The following CEMIP variants were observed in gnomAD, a reference collection of about 807,000 sequenced individuals.
CEMIP encodes cell migration-inducing and hyaluronan-binding protein.
A neutral mutation model predicts 156.9 loss-of-function variants in CEMIP; 105 were observed. The observed-to-expected ratio is 0.67, with a 90% confidence interval of 0.57 to 0.79. The LOEUF is 0.79. CEMIP is among the 30% of genes least tolerant of loss of function. The pLI, the probability that CEMIP is intolerant of heterozygous loss-of-function variation, is 0.00. For missense variants in CEMIP, 1,457 were observed against 1,769.4 expected, an observed-to-expected ratio of 0.82 and a Z score of 3.17; for synonymous variants, 676 against 668.4, an observed-to-expected ratio of 1.01 and a Z score of -0.17.
At position 80,932,473 on chromosome 15, in the gene CEMIP, A is replaced by C. The variant is rs916741233; in HGVS notation, c.2793+434A>C. On this transcript the variant is annotated intron_variant, in intron 22 of 29. Coordinates refer to ENST00000394685, the MANE Select transcript of CEMIP (RefSeq NM_001293298.2). The surrounding 1 kb of genome is among the most constrained non-coding windows in gnomAD (Gnocchi z 4.5). ...TAATCTCTCCCCGAGAGCAGACTAT[A>C]AACAGAGGCCTCCTTGCCCTAGACA... Among the ~76,000 whole-genome samples the C allele has an allele frequency of 4.6e-5, 7 of 152,114 alleles. No homozygotes were observed. The highest frequency in any genetic ancestry group is 1.7e-4 in the African/African-American group (7 of 41,420).
intron 1 of CEMIP, among the ~76,000 whole-genome samples, chr15:80,809,625 G>A (rs186562387): frequency 7.9e-5 from 12 of 152,284 alleles, no homozygotes; most frequent in Non-Finnish European, 1.5e-4. Context: ...CTCTACCCAT[G>A]GTGTCACCAG....
At chr15:80,880,274 A>C (rs112825238) in intron 5 of CEMIP, among the ~76,000 whole-genome samples, 8 of 152,270 alleles carry the variant, frequency 5.3e-5, no homozygotes, top group African/African-American at 1.9e-4. Context: ...TATGCAGCGC[A>C]TGTCCAGGTG....
At chr15:80,817,233 G>A (rs577646039) in intron 1 of CEMIP, among the ~76,000 whole-genome samples, 3 of 152,246 alleles carry the variant, frequency 2.0e-5, no homozygotes, top group African/African-American at 7.2e-5. Flanking sequence ...TGAAGGAGAA[G>A]TGAGGAGAAA....
At chr15:80,859,580 C>T (rs1183549015) in intron 1 of CEMIP, among the ~76,000 whole-genome samples, 1 of 152,222 alleles carries the variant, frequency 6.6e-6, no homozygotes, top group Admixed American at 6.5e-5. Context: ...AGTTCACAGT[C>T]CACATGCCGG....
In CEMIP at chr15:80,949,329, G is replaced by T. The variant is rs572936467; in HGVS notation, c.*405G>T. On this transcript the variant is annotated 3_prime_UTR_variant, in exon 30 of 30. Transcript: ENST00000394685. ...GGCTGGTCATTCACAGATCCCCATG[G>T]TCTTCAGCAGACAAGTGAGGGTGGT... 1 of 330,696 alleles carries T rather than the reference G, an allele frequency of 3.0e-6. No individual in the cohort carries two copies. Among genetic ancestry groups the T allele is most frequent in the East Asian group, 7.6e-5 (1 of 13,162 alleles). 20.5% of individuals were successfully genotyped at this position (330,696 alleles called of 1,614,324 possible). A position where few individuals can be genotyped will look rare whatever the true frequency, so the allele number is the denominator to read the frequency against.
At chr15:80,875,894 C>A (rs1407527055) in intron 3 of CEMIP, among the ~76,000 whole-genome samples, 1 of 152,100 alleles carries the variant, frequency 6.6e-6, no homozygotes, top group African/African-American at 2.4e-5. Context: ...AATCTTGCAC[C>A]TGCTGTGCTT....
intron 1 of CEMIP, among the ~76,000 whole-genome samples, chr15:80,824,901 G>A (rs544674725): frequency 5.3e-4 from 80 of 152,266 alleles, no homozygotes; most frequent in African/African-American, 1.6e-3. Context: ...AAGTGATCTC[G>A]CAGGGCCTGT....
chr15:80,797,938 G>A (rs1232613448), intron 1 of CEMIP, among the ~76,000 whole-genome samples: 1 of 152,220 alleles, frequency 6.6e-6, no homozygotes, highest in Admixed American at 6.5e-5. Flanking sequence ...AAACATTTGG[G>A]TCTGTGCTCT....
At chr15:80,794,251 T>C (rs558454043) in intron 1 of CEMIP, among the ~76,000 whole-genome samples, 1 of 152,358 alleles carries the variant, frequency 6.6e-6, no homozygotes, top group Admixed American at 6.5e-5. Context: ...CTTACAAACT[T>C]GTAGTATCCA....
intron 1 of CEMIP, among the ~76,000 whole-genome samples, chr15:80,800,434 A>G (rs958599285): frequency 3.9e-4 from 59 of 152,186 alleles, no homozygotes; most frequent in African/African-American, 1.3e-3. Context: ...AAAATCATTA[A>G]TGGCTGAATG....
intron 12 of CEMIP, among the ~76,000 whole-genome samples, chr15:80,905,443 C>CA (rs139934630): frequency 0.079 from 12,073 of 152,156 alleles, 547 homozygotes; most frequent in Middle Eastern, 0.12. Flanking sequence ...GGCTATAAAT[C>CA]AAAGGCAGTT....
chr15:80,880,474 T>C (rs535726857), intron 5 of CEMIP, among the ~76,000 whole-genome samples: 171 of 152,318 alleles, frequency 1.1e-3, no homozygotes, highest in African/African-American at 3.9e-3. Context: ...TCTTGCTCTG[T>C]GGCCCAGGCT....
chr15:80,931,355 T>C (rs556563339), intron 21 of CEMIP, among the ~76,000 whole-genome samples: 2 of 152,308 alleles, frequency 1.3e-5, no homozygotes, highest in Non-Finnish European at 2.9e-5. Flanking sequence ...GAGGAGAAAC[T>C]CATGTGGGTC....
intron 1 of CEMIP, among the ~76,000 whole-genome samples, chr15:80,842,584 T>G (rs774808749): frequency 3.3e-5 from 5 of 151,926 alleles, no homozygotes; most frequent in African/African-American, 4.8e-5. Flanking sequence ...ATACAAAAAT[T>G]AGCTGGGCGT....
rs1400816588 is a variant in CEMIP at position 80,873,507 on chromosome 15, A to G, written c.-175-31A>G. On this transcript the variant is annotated intron_variant, in intron 1 of 29. Coordinates refer to ENST00000394685, the MANE Select transcript of CEMIP (RefSeq NM_001293298.2). The stretch of plus-strand genomic sequence containing the variant: ...TTCCCAGCTCATGTTCAGTGGGAGT[A>G]TTTTTGTTCTGCTCTGTTTCTTAAC... 1.7e-5 allele frequency: 5 copies of G among 301,086 alleles called. 1 individual carries two copies. In the South Asian group the frequency reaches 1.7e-4, roughly 10 times the overall value. 18.7% of individuals were successfully genotyped at this position (301,086 alleles called of 1,614,324 possible). A position where few individuals can be genotyped will look rare whatever the true frequency, so the allele number is the denominator to read the frequency against.
At chr15:80,854,006 A>G (rs1897777723) in intron 1 of CEMIP, among the ~76,000 whole-genome samples, 1 of 152,232 alleles carries the variant, frequency 6.6e-6, no homozygotes, top group Non-Finnish European at 1.5e-5. Context: ...CCCAGAAGCA[A>G]ACTGACAGAG....
intron 1 of CEMIP, among the ~76,000 whole-genome samples, chr15:80,789,987 G>T (rs996677367): frequency 1.4e-4 from 21 of 152,172 alleles, no homozygotes; most frequent in African/African-American, 5.1e-4. Context: ...GGGCAGAGAG[G>T]CAGAGTCACT....
rs557613343 is a variant in CEMIP, at chr15:80,872,793, G to A, written c.-175-745G>A. Among the ~76,000 whole-genome samples the A allele has an allele frequency of 9.8e-5, 15 of 152,286 alleles. No homozygotes were observed. In the East Asian group the frequency reaches 2.7e-3, roughly 27 times the overall value. ...TCCCGCCACTACACTCTAGCCTGGT[G>A]ACAGAGCAAGACTCTGTCTTAATAA... is the stretch of plus-strand genomic sequence containing the variant. On this transcript the variant is annotated intron_variant, in intron 1 of 29. Coordinates refer to ENST00000394685, the MANE Select transcript of CEMIP (RefSeq NM_001293298.2).
chr15:80,878,649 C>G, intron 3 of CEMIP, 72 bp from the exon 4 acceptor site: 1 of 1,605,042 alleles, frequency 6.2e-7, no homozygotes, highest in Non-Finnish European at 8.5e-7. Context: ...TGGGAGCCCC[C>G]TTTTGGCCTG....
Sources: gnomAD v4.1 joint callset for allele counts (sites outside exome capture counted in the v4.1 genomes callset) on GRCh38, gnomAD v4.1.1 for gene constraint, Gnocchi (gnomAD v3.1) non-coding constraint, MANE v1.5 for transcripts, NCBI Gene and HGNC (gene_info 2026-07-23, HGNC 2026-07-21) for gene names.